ZC3H18: variants seen among roughly 807,000 people sequenced by gnomAD.
ZC3H18 encodes the protein zinc finger CCCH domain-containing protein 18.
A neutral mutation model predicts 106.1 loss-of-function variants in ZC3H18; 8 were observed. The ratio of observed to expected loss-of-function variants is 0.08; its 90% CI spans 0.04 to 0.14. The LOEUF is 0.14. Ranked by LOEUF, ZC3H18 falls within the 10% of genes least tolerant of loss-of-function variation. ZC3H18 has a pLI of 1.00. For missense variants in ZC3H18, 1,318 were observed against 1,278.4 expected (o/e 1.03, Z -0.47); for synonymous variants, 635 against 522.1 (o/e 1.22, Z -2.95).
At position 88,577,218 on chromosome 16, in the gene ZC3H18, G is replaced by T; in HGVS notation, c.95G>T (p.Ser32Ile). ...TCGGACGATGACATTCTGAGGGACA[G>T]CGGGTCCGATCAGGATTTGGACGGG... ...GLSDDDILRD[S>I]GSDQDLDGAG... The change falls in exon 2 of 18, where the codon AGC (serine) becomes ATC (isoleucine). Residue 32 changes from serine to isoleucine, a missense_variant. Ser to Ile is a moderately radical substitution (Grantham distance 142). Transcript: ENST00000301011. 1 of 1,613,362 alleles carries T rather than the reference G, an allele frequency of 6.2e-7. No individual in the cohort carries two copies. The highest frequency in any genetic ancestry group is 8.5e-7 in the Non-Finnish European group (1 of 1,179,652).
intron 8 of ZC3H18, among the ~76,000 whole-genome samples, chr16:88,612,016 G>A (rs1905300024): frequency 6.6e-6 from 1 of 152,160 alleles, no homozygotes. Flanking sequence ...CAGCCAGCAT[G>A]CAGGGGAGGG....
At chr16:88,615,043 G>C (rs4782382) in intron 8 of ZC3H18, among the ~76,000 whole-genome samples, 16,415 of 63,770 alleles carry the variant, frequency 0.26, 109 homozygotes, top group Middle Eastern at 0.34. Context: ...GCCCCCACCT[G>C]CTCCGTTCCC....
At chr16:88,613,827 G>T (rs562240800) in intron 8 of ZC3H18, among the ~76,000 whole-genome samples, 6 of 152,136 alleles carry the variant, frequency 3.9e-5, no homozygotes, top group Non-Finnish European at 8.8e-5. Flanking sequence ...CTAATACAGG[G>T]TCATAAAGAT....
At chr16:88,611,571 G>C in intron 8 of ZC3H18, 35 bp downstream of exon 8, 1 of 1,543,876 alleles carries the variant, frequency 6.5e-7, no homozygotes, top group Non-Finnish European at 8.7e-7. Flanking sequence ...GGGGTGTGGG[G>C]GAGGTCCGGC....
Position 88,577,741 on chromosome 16 carries a change from G to A in ZC3H18, c.603+15G>A. The A allele has an allele frequency of 6.2e-7, 1 of 1,612,706 alleles. No individual in the cohort carries two copies. The highest frequency in any genetic ancestry group is 8.5e-7 in the Non-Finnish European group (1 of 1,180,040). ...GGGAAATAGACGTGAGTATGATGGAGCAGAGCGTCGCGGGGCATCCTGCCC... is the reference window on the plus strand; with the variant it reads ...GGGAAATAGACGTGAGTATGATGGAACAGAGCGTCGCGGGGCATCCTGCCC... On this transcript the variant is annotated intron_variant, in intron 2 of 17. Transcript: ENST00000301011.
chr16:88,585,047 G>A (rs375413807), intron 2 of ZC3H18, among the ~76,000 whole-genome samples: 9 of 152,330 alleles, frequency 5.9e-5, no homozygotes, highest in African/African-American at 1.9e-4. Flanking sequence ...GCTCATTACT[G>A]TAAGAATAGT....
intron 8 of ZC3H18, among the ~76,000 whole-genome samples, chr16:88,620,699 C>T (rs1018491831): frequency 5.3e-5 from 8 of 151,850 alleles, no homozygotes; most frequent in African/African-American, 1.5e-4. Flanking sequence ...GGTTCGGCAC[C>T]GCACACTGCT....
chr16:88,571,326 A>G (rs542052128), intron 1 of ZC3H18, among the ~76,000 whole-genome samples: 1 of 152,292 alleles, frequency 6.6e-6, no homozygotes, highest in Non-Finnish European at 1.5e-5. Flanking sequence ...ATTTGGGAAA[A>G]TGGAAGAAGA....
intron 1 of ZC3H18, among the ~76,000 whole-genome samples, chr16:88,573,379 G>A (rs776819817): frequency 1.3e-5 from 2 of 152,008 alleles, no homozygotes; most frequent in African/African-American, 2.4e-5. Context: ...GTTTGCCACC[G>A]GTGACTTACT....
chr16:88,596,310 A>G (rs1447354176), intron 3 of ZC3H18, among the ~76,000 whole-genome samples: 1 of 152,150 alleles, frequency 6.6e-6, no homozygotes, highest in African/African-American at 2.4e-5. Flanking sequence ...AAGAACGATA[A>G]CATTTAGCCA....
In ZC3H18 at chr16:88,611,474, CCGGGAGAAGGAG is replaced by C. The variant is rs746303837; in HGVS notation, c.1426_1437del (p.Arg476_Glu479del). On this transcript the variant is annotated inframe_deletion, in exon 8 of 18. Transcript: ENST00000301011. ...AGGACCGGCAGCACCGTGACCGCGACCGGGAGAAGGAGCGGGAGAAGGAGAAGGGGAAGCCCA... is the reference window on the plus strand; with the variant it reads ...AGGACCGGCAGCACCGTGACCGCGACCGGGAGAAGGAGAAGGGGAAGCCCA... 74 of 1,549,960 alleles carry C rather than the reference CCGGGAGAAGGAG, an allele frequency of 4.8e-5. No homozygotes were observed. The highest frequency in any genetic ancestry group is 1.1e-4 in the African/African-American group (8 of 72,990).
At chr16:88,616,159 G>C (rs1285865097) in intron 8 of ZC3H18, among the ~76,000 whole-genome samples, 1 of 152,230 alleles carries the variant, frequency 6.6e-6, no homozygotes, top group Non-Finnish European at 1.5e-5. Context: ...TTACATTCAG[G>C]AAGGGACTGG....
At chr16:88,610,681 A>C (rs1258382526) in intron 7 of ZC3H18, among the ~76,000 whole-genome samples, 1 of 152,232 alleles carries the variant, frequency 6.6e-6, no homozygotes, top group Non-Finnish European at 1.5e-5. Context: ...TGAATGAGTA[A>C]GAGCAGAGGA....
At chr16:88,622,955 C>G in intron 9 of ZC3H18, 1 of 502,510 alleles carries the variant, frequency 2.0e-6, no homozygotes, top group South Asian at 2.2e-5. Context: ...TCAGGCAGCG[C>G]CACCCGGTAA....
intron 13 of ZC3H18, chr16:88,625,838 A>ATTT (rs1175357328): frequency 0.011 from 1,101 of 104,430 alleles, 32 homozygotes; most frequent in South Asian, 0.034. Flanking sequence ...ACAGAAAAAG[A>ATTT]TTTTTTTTTT....
At chr16:88,591,071 C>T (rs532808534) in intron 3 of ZC3H18, among the ~76,000 whole-genome samples, 2 of 151,668 alleles carry the variant, frequency 1.3e-5, no homozygotes, top group Admixed American at 6.6e-5. Context: ...CCTGGGTTCA[C>T]GCCATTCTCC....
intron 12 of ZC3H18, 139 bp from the exon 13 acceptor site, chr16:88,625,063 A>G (rs907747824): frequency 9.9e-7 from 1 of 1,014,388 alleles, no homozygotes; most frequent in Non-Finnish European, 1.4e-6. Flanking sequence ...GCCTAAAGGA[A>G]GACAGGCCCA....
At chr16:88,613,468 A>G (rs1905387256) in intron 8 of ZC3H18, among the ~76,000 whole-genome samples, 2 of 152,038 alleles carry the variant, frequency 1.3e-5, no homozygotes, top group Admixed American at 6.6e-5. Context: ...CGCTAGCCGC[A>G]TAGGAGGGCG....
rs762164178 is a variant in ZC3H18 at position 88,628,149 on chromosome 16, C to T, written c.2469+30C>T. ...GGGCAAGGGCCCTCCTGGTGGCTGC[C>T]CCAGCGTCTAGGCCTGGGTCCATCT... On this transcript the variant is annotated intron_variant, in intron 15 of 17. Coordinates refer to ENST00000301011, the MANE Select transcript of ZC3H18 (RefSeq NM_144604.4). 6.8e-6 allele frequency: 11 copies of T among 1,607,448 alleles called. No individual in the cohort carries two copies. In the South Asian group the frequency reaches 1.2e-4, roughly 18 times the overall value.
Sources: gnomAD v4.1 joint callset for allele counts (sites outside exome capture counted in the v4.1 genomes callset) on GRCh38, gnomAD v4.1.1 for gene constraint, MANE v1.5 for transcripts, NCBI Gene and HGNC (gene_info 2026-07-23, HGNC 2026-07-21) for gene names.